ZNF362: variants seen among roughly 807,000 people sequenced by gnomAD.
The protein encoded by ZNF362 is zinc finger protein 362.
ZNF362 carries 11 observed loss-of-function variants against 42.9 expected under a neutral mutation model. The ratio of observed to expected loss-of-function variants is 0.26; its 90% confidence interval spans 0.16 to 0.42. The LOEUF (loss-of-function observed/expected upper bound fraction) is 0.42. ZNF362 is among the 20% of genes least tolerant of loss of function. The pLI, the probability that ZNF362 is intolerant of heterozygous loss-of-function variation, is 1.00. For synonymous variants in ZNF362, 255 were observed against 257.3 expected, an observed-to-expected ratio of 0.99 and a Z score of 0.09; for missense variants, 362 against 576.2, an observed-to-expected ratio of 0.63 and a Z score of 3.81.
the ZNF362 span, chr1:33,195,099 A>G: frequency 1.3e-5 from 2 of 152,242 alleles, no homozygotes; most frequent in African/African-American, 4.8e-5. Flanking sequence ...TTCTGCCTGA[A>G]GCCAATTTCT....
the ZNF362 span, among the ~76,000 whole-genome samples, chr1:33,154,821 C>T: frequency 7.5e-5 from 11 of 147,518 alleles, no homozygotes; most frequent in East Asian, 1.8e-3. Context: ...TGGCCAGGCG[C>T]GGTGATTCAC....
At chr1:33,240,061 G>T in the ZNF362 span, among the ~76,000 whole-genome samples, 1 of 152,178 alleles carries the variant, frequency 6.6e-6, no homozygotes, top group Non-Finnish European at 1.5e-5. Context: ...TCATCAGAGG[G>T]TGGTAGAACT....
the ZNF362 span, chr1:33,181,469 A>G: frequency 1.3e-6 from 2 of 1,546,792 alleles, no homozygotes; most frequent in African/African-American, 1.4e-5. This position sits in a 1 kb window ranked among gnomAD's most constrained non-coding sequence, Gnocchi z 6.5. Context: ...CCCGAGGGGC[A>G]GGGGGGCGGC....
In ZNF362 at chr1:33,276,472, C is replaced by T; in HGVS notation, c.227C>T (p.Ala76Val). 3.8e-6 allele frequency: 6 copies of T among 1,590,366 alleles called. No individual in the cohort carries two copies. In the East Asian group the frequency reaches 6.9e-5, roughly 18 times the overall value. The change falls in exon 4 of 9, where the codon GCC becomes GTC. Residue 76 changes from alanine to valine, a missense_variant. Physicochemically the swap from Ala to Val is moderately conservative, Grantham distance 64. This residue lies in a region of ZNF362 where 266 missense variants were observed against 365.4 expected (regional missense o/e 0.73). Coordinates refer to ENST00000539719, the MANE Select transcript of ZNF362 (RefSeq NM_152493.3). ...CCGTTGCTAGTGCCGCCGGCACCCG[C>T]CGAGAGCAGCCAGGCCGTCATGTCG... is the stretch of plus-strand genomic sequence containing the variant. ...QQPLLVPPAP[A>V]ESSQAVMSLP...
chr1:33,239,509 G>A, the ZNF362 span, among the ~76,000 whole-genome samples: 12 of 152,332 alleles, frequency 7.9e-5, no homozygotes, highest in South Asian at 2.5e-3. Flanking sequence ...AAAGACAGAA[G>A]TTTAATTGAC....
the ZNF362 span, chr1:33,145,920 C>T: frequency 1.7e-5 from 8 of 471,082 alleles, no homozygotes; most frequent in East Asian, 4.9e-4. Flanking sequence ...ACTTAAGTTC[C>T]CCCAAACAGA....
chr1:33,280,583 A>C lies in ZNF362; in HGVS notation c.683+126A>C. On this transcript the variant is annotated intron_variant, in intron 5 of 8. Coordinates refer to ENST00000539719, the MANE Select transcript of ZNF362 (RefSeq NM_152493.3). The surrounding 1 kb of genome is among the most constrained non-coding windows in gnomAD (Gnocchi z 5.6). Reference sequence around the variant, plus strand: ...GGGCTGAGGGGCAGGGCTAGGGTCCAGAGGGGCGGGGCCTTCTGGAGAGCC... The same window carrying C: ...GGGCTGAGGGGCAGGGCTAGGGTCCCGAGGGGCGGGGCCTTCTGGAGAGCC... 1 of 1,436,174 alleles carries C rather than the reference A, an allele frequency of 7.0e-7. No homozygotes were observed. Among genetic ancestry groups the C allele is most frequent in the Non-Finnish European group, 9.2e-7 (1 of 1,092,104 alleles). The allele number at this position is 1,436,174 out of a possible 1,614,324, so 89.0% of individuals were successfully genotyped here.
At chr1:33,217,929 TTTGA>T in the ZNF362 span, among the ~76,000 whole-genome samples, 2 of 152,202 alleles carry the variant, frequency 1.3e-5, no homozygotes, top group African/African-American at 4.8e-5. Context: ...AAAGTTTTAC[TTTGA>T]TTACATACTC....
the ZNF362 span, among the ~76,000 whole-genome samples, chr1:33,186,395 C>T: frequency 6.6e-6 from 1 of 151,972 alleles, no homozygotes; most frequent in African/African-American, 2.4e-5. Flanking sequence ...GGAGAAAATA[C>T]GTGTGCTTGA....
chr1:33,265,265 C>T (rs1390444257), intron 1 of ZNF362, among the ~76,000 whole-genome samples: 4 of 151,572 alleles, frequency 2.6e-5, no homozygotes, highest in Non-Finnish European at 5.9e-5. Flanking sequence ...GCTCAACCGC[C>T]CTCAGTGTCT....
chr1:33,217,484 G>C, the ZNF362 span, among the ~76,000 whole-genome samples: 1 of 152,192 alleles, frequency 6.6e-6, no homozygotes, highest in Non-Finnish European at 1.5e-5. Context: ...TGCAGCTCCA[G>C]ATCTCTGCAC....
chr1:33,270,358 A>G, intron 1 of ZNF362, 129 bp from the exon 2 acceptor site: 1 of 515,244 alleles, frequency 1.9e-6, no homozygotes, highest in East Asian at 3.3e-5. Flanking sequence ...CGTGCATCTC[A>G]GAGTCATTGG....
the ZNF362 span, among the ~76,000 whole-genome samples, chr1:33,149,310 G>A: frequency 6.6e-6 from 1 of 151,980 alleles, no homozygotes; most frequent in Non-Finnish European, 1.5e-5. Flanking sequence ...GCGCCACCAC[G>A]CCTGGCTAAT....
the ZNF362 span, among the ~76,000 whole-genome samples, chr1:33,227,064 A>C: frequency 1.3e-5 from 2 of 152,144 alleles, no homozygotes; most frequent in Admixed American, 6.5e-5. Context: ...TATAGGGTAC[A>C]AGGTTTCTTT....
chr1:33,186,475 T>A, the ZNF362 span, among the ~76,000 whole-genome samples: 2 of 151,620 alleles, frequency 1.3e-5, no homozygotes, highest in African/African-American at 4.8e-5. Flanking sequence ...CAACAATTTA[T>A]ATATTAAATA....
chr1:33,275,460 G>A (rs1341829668), intron 2 of ZNF362: 22 of 898,526 alleles, frequency 2.4e-5, no homozygotes, highest in Non-Finnish European at 2.4e-5. Flanking sequence ...GATGTTGCAC[G>A]TGACATTGAA....
At chr1:33,195,038 TA>T in the ZNF362 span, 3 of 151,932 alleles carry the variant, frequency 2.0e-5, no homozygotes, top group African/African-American at 7.2e-5. Flanking sequence ...ACAATAAAAA[TA>T]AAAAAATCTG....
At chr1:33,179,847 G>C in the ZNF362 span, among the ~76,000 whole-genome samples, 2 of 152,148 alleles carry the variant, frequency 1.3e-5, no homozygotes, top group Non-Finnish European at 2.9e-5. Context: ...CAGTAAAATA[G>C]ATTTATTTGC....
At chr1:33,132,085 A>G in the ZNF362 span, among the ~76,000 whole-genome samples, 36 of 152,242 alleles carry the variant, frequency 2.4e-4, no homozygotes, top group East Asian at 4.0e-3. Flanking sequence ...CCACATTCCA[A>G]TTTCTGAGAA....
Sources: gnomAD v4.1 joint callset for allele counts (sites outside exome capture counted in the v4.1 genomes callset) on GRCh38, gnomAD v4.1.1 for gene constraint, gnomAD v4.1.1 regional missense constraint, Gnocchi (gnomAD v3.1) non-coding constraint, MANE v1.5 for transcripts, NCBI Gene and HGNC (gene_info 2026-07-23, HGNC 2026-07-21) for gene names.